Variants in RIT2 observed in about 807,000 individuals in gnomAD.
The protein encoded by RIT2 is Ras like without CAAX 2.
A neutral mutation model predicts 23.7 loss-of-function variants in RIT2; 24 were observed. The observed-to-expected ratio is 1.01, with a 90% CI of 0.73 to 1.43. RIT2 has a LOEUF of 1.43. Among genes scored for constraint, RIT2 ranks in the 40% most tolerant of loss-of-function variants. RIT2 has a pLI of 0.00. For missense variants in RIT2, 236 were observed against 266.9 expected (o/e 0.88, Z 0.81); for synonymous variants, 107 against 91.1 (o/e 1.17, Z -0.99).
At chr18:42,925,044 C>A (rs1490882482) in intron 3 of RIT2, among the ~76,000 whole-genome samples, 2 of 152,022 alleles carry the variant, frequency 1.3e-5, no homozygotes, top group East Asian at 3.9e-4. Flanking sequence ...ACAGACGTGA[C>A]AAGAGACTTG....
intron 1 of RIT2, among the ~76,000 whole-genome samples, chr18:43,073,723 C>G (rs773710291): frequency 6.6e-6 from 1 of 152,098 alleles, no homozygotes; most frequent in Non-Finnish European, 1.5e-5. Flanking sequence ...CAATTAGGAA[C>G]CCTCCCCTCC....
At chr18:42,765,509 G>C (rs1454412092) in intron 4 of RIT2, among the ~76,000 whole-genome samples, 1 of 152,100 alleles carries the variant, frequency 6.6e-6, no homozygotes, top group Non-Finnish European at 1.5e-5. Context: ...GGAGTTGATA[G>C]ATGACCTGCC....
At chr18:42,901,667 A>G (rs567978423) in intron 4 of RIT2, among the ~76,000 whole-genome samples, 146 of 152,166 alleles carry the variant, frequency 9.6e-4, no homozygotes, top group African/African-American at 3.3e-3. Flanking sequence ...ATATTTTTTA[A>G]AAGTCCAATG....
intron 4 of RIT2, among the ~76,000 whole-genome samples, chr18:42,881,635 G>T (rs1440319705): frequency 1.3e-5 from 2 of 152,104 alleles, no homozygotes. Flanking sequence ...TGCATACTCT[G>T]TTATCTTTAT....
intron 2 of RIT2, among the ~76,000 whole-genome samples, chr18:43,010,871 C>A (rs1911335049): frequency 6.6e-6 from 1 of 151,672 alleles, no homozygotes; most frequent in Non-Finnish European, 1.5e-5. Context: ...CATGGGATAA[C>A]AATTATTCTG....
rs141058158 is a variant in RIT2, at chr18:42,905,753, G to A, written c.426+17819C>T. On this transcript the variant is annotated intron_variant, in intron 4 of 4. Transcript: ENST00000326695. ...CTCCCAAAGTGCTGGGATTACAGGCGTGAGCCACCGTGCCCGGCCAAACAC... is the reference window on the plus strand; with the variant it reads ...CTCCCAAAGTGCTGGGATTACAGGCATGAGCCACCGTGCCCGGCCAAACAC... Among the ~76,000 whole-genome samples, 310 of 151,812 alleles carry A rather than the reference G, an allele frequency of 2.0e-3. 3 individuals carry two copies. The highest frequency in any genetic ancestry group is 7.0e-3 in the African/African-American group (289 of 41,412).
chr18:43,104,863 CAACCATTA>C (rs1418007246), intron 1 of RIT2, among the ~76,000 whole-genome samples: 2 of 152,054 alleles, frequency 1.3e-5, no homozygotes, highest in Non-Finnish European at 2.9e-5. Flanking sequence ...GCTTTTCCTG[CAACCATTA>C]AATATGACTC....
chr18:42,922,308 A>G (rs1909074387), intron 4 of RIT2, among the ~76,000 whole-genome samples: 1 of 152,132 alleles, frequency 6.6e-6, no homozygotes, highest in African/African-American at 2.4e-5. Flanking sequence ...GGAGACAACT[A>G]TTTGTTTTAG....
intron 4 of RIT2, among the ~76,000 whole-genome samples, chr18:42,894,769 C>T (rs893965016): frequency 2.0e-5 from 3 of 152,168 alleles, no homozygotes; most frequent in African/African-American, 7.2e-5. Context: ...GTATGATAGG[C>T]AATCACATTG....
intron 1 of RIT2, among the ~76,000 whole-genome samples, chr18:43,097,477 C>A (rs2144368871): frequency 6.6e-6 from 1 of 151,834 alleles, no homozygotes; most frequent in South Asian, 2.1e-4. Flanking sequence ...CCTCTTAGTT[C>A]TTGAAGAATA....
At chr18:42,826,310 T>C (rs1906296092) in intron 4 of RIT2, among the ~76,000 whole-genome samples, 1 of 152,112 alleles carries the variant, frequency 6.6e-6, no homozygotes, top group African/African-American at 2.4e-5. Context: ...ACGTATTAAG[T>C]GGCATGGCCA....
At chr18:42,991,144 A>G (rs1487777706) in intron 2 of RIT2, among the ~76,000 whole-genome samples, 2 of 152,190 alleles carry the variant, frequency 1.3e-5, no homozygotes, top group Non-Finnish European at 2.9e-5. Context: ...GTAATGCAGC[A>G]TCTTTTGAGT....
intron 1 of RIT2, among the ~76,000 whole-genome samples, chr18:43,035,335 C>T (rs1027787660): frequency 3.2e-4 from 49 of 152,286 alleles, no homozygotes; most frequent in African/African-American, 1.2e-3. Context: ...TTACAGATAG[C>T]CTGAGGAGTT....
intron 3 of RIT2, among the ~76,000 whole-genome samples, chr18:42,950,045 C>T (rs543883585): frequency 6.6e-6 from 1 of 152,142 alleles, no homozygotes; most frequent in East Asian, 1.9e-4. Flanking sequence ...GAGGCTTGTA[C>T]CCAAAACTAG....
intron 4 of RIT2, among the ~76,000 whole-genome samples, chr18:42,827,771 C>T (rs141868385): frequency 0.012 from 1,881 of 151,754 alleles, 40 homozygotes; most frequent in African/African-American, 0.042. Context: ...TTTGGGAGGC[C>T]GAGGCGGGCG....
intron 4 of RIT2, among the ~76,000 whole-genome samples, chr18:42,896,387 G>A (rs573745677): frequency 6.0e-4 from 92 of 152,318 alleles, no homozygotes; most frequent in African/African-American, 1.9e-3. Context: ...CTCTTGTACA[G>A]CATGTCTCTC....
intron 4 of RIT2, among the ~76,000 whole-genome samples, chr18:42,865,274 C>G (rs183353000): frequency 6.6e-6 from 1 of 152,168 alleles, no homozygotes; most frequent in Non-Finnish European, 1.5e-5. Flanking sequence ...TATGTTGGGC[C>G]TCAGTCCACT....
intron 4 of RIT2, among the ~76,000 whole-genome samples, chr18:42,868,287 G>A (rs1339938034): frequency 6.6e-6 from 1 of 152,004 alleles, no homozygotes; most frequent in Non-Finnish European, 1.5e-5. Context: ...CTTCCTCAGT[G>A]GGATCTCTCA....
chr18:43,031,404 A>G (rs1434334345), intron 2 of RIT2, among the ~76,000 whole-genome samples: 2 of 151,798 alleles, frequency 1.3e-5, no homozygotes, highest in African/African-American at 4.8e-5. Flanking sequence ...ACTTTCTGAA[A>G]GCAAGAGATT....
Sources: allele counts gnomAD v4.1 joint callset (sites outside exome capture counted in the v4.1 genomes callset), GRCh38; gene constraint gnomAD v4.1.1; transcripts MANE v1.5; gene names NCBI Gene and HGNC (gene_info 2026-07-23, HGNC 2026-07-21).